The following STX8 variants were observed in gnomAD, a reference collection of about 807,000 sequenced individuals.
STX8 encodes syntaxin-8.
STX8 carries 23 observed loss-of-function variants against 37.5 expected under a neutral mutation model. The ratio of observed to expected loss-of-function variants is 0.61; its 90% CI spans 0.44 to 0.87. STX8 has a LOEUF of 0.87. STX8 is among the 40% of genes least tolerant of loss of function. The pLI is 0.00. For synonymous variants in STX8, 115 were observed against 99.1 expected (o/e 1.16, Z -0.95); for missense variants, 313 against 284.7 (o/e 1.10, Z -0.71).
intron 7 of STX8, among the ~76,000 whole-genome samples, chr17:9,306,864 G>A (rs544825845): frequency 8.1e-4 from 123 of 151,786 alleles, no homozygotes; most frequent in Middle Eastern, 3.5e-3. Context: ...GGTGGCTCAC[G>A]TCTGTAATCC....
At chr17:9,471,651 C>T (rs1209284519) in intron 6 of STX8, among the ~76,000 whole-genome samples, 1 of 152,104 alleles carries the variant, frequency 6.6e-6, no homozygotes, top group Non-Finnish European at 1.5e-5. Context: ...GACAGGGTGC[C>T]TATGTGACCA....
chr17:9,504,500 G>C (rs1198201683), intron 5 of STX8, among the ~76,000 whole-genome samples: 1 of 152,106 alleles, frequency 6.6e-6, no homozygotes, highest in Non-Finnish European at 1.5e-5. Context: ...CTTGGACTTA[G>C]ATTCAGATCT....
intron 7 of STX8, chr17:9,377,906 C>A (rs751342917): frequency 1.3e-5 from 2 of 152,284 alleles, no homozygotes; most frequent in African/African-American, 4.8e-5. Context: ...CACTGTGCAC[C>A]GGCAATACAC....
At chr17:9,467,356 T>C (rs1380115038) in intron 6 of STX8, 1 of 152,182 alleles carries the variant, frequency 6.6e-6, no homozygotes, top group African/African-American at 2.4e-5. Context: ...GGCTATGCTG[T>C]AGGGTCTGGA....
chr17:9,295,829 G>A (rs1567772499), intron 7 of STX8, among the ~76,000 whole-genome samples: 2 of 113,844 alleles, frequency 1.8e-5, no homozygotes, highest in Non-Finnish European at 4.4e-5. Context: ...TGGATCACCT[G>A]AGGTCAGGAG....
intron 6 of STX8, among the ~76,000 whole-genome samples, chr17:9,466,337 T>C (rs1307300911): frequency 1.3e-5 from 2 of 152,150 alleles, no homozygotes; most frequent in African/African-American, 4.8e-5. Flanking sequence ...GCTTGTAAAT[T>C]AGATGGAAGA....
At chr17:9,486,155 G>A (rs1043998042) in intron 6 of STX8, among the ~76,000 whole-genome samples, 1 of 152,166 alleles carries the variant, frequency 6.6e-6, no homozygotes, top group Non-Finnish European at 1.5e-5. Flanking sequence ...CAACACTCCA[G>A]TGGCAATGGG....
intron 6 of STX8, among the ~76,000 whole-genome samples, chr17:9,429,026 T>G (rs985476386): frequency 6.6e-6 from 1 of 152,096 alleles, no homozygotes; most frequent in Non-Finnish European, 1.5e-5. Flanking sequence ...TACCTTTGAC[T>G]TGGTCAGTTT....
chr17:9,553,431 C>T (rs1906844619), intron 3 of STX8: 2 of 152,156 alleles, frequency 1.3e-5, no homozygotes, highest in South Asian at 4.1e-4. Context: ...AAAGCATTTG[C>T]ACAGGACTTT....
At chr17:9,401,842 G>A (rs1467569470) in intron 6 of STX8, among the ~76,000 whole-genome samples, 5 of 152,172 alleles carry the variant, frequency 3.3e-5, no homozygotes, top group African/African-American at 1.2e-4. Context: ...GTAACTTGAA[G>A]AGGTTTTCTC....
At chr17:9,405,235 C>T (rs1035345790) in intron 6 of STX8, among the ~76,000 whole-genome samples, 2 of 152,102 alleles carry the variant, frequency 1.3e-5, no homozygotes, top group African/African-American at 2.4e-5. Context: ...TAGAGTACCA[C>T]GTGTAATGAG....
At position 9,568,461 on chromosome 17, in the gene STX8, T is replaced by C; in HGVS notation, c.27A>G (p.Thr9=). 6.2e-7 allele frequency: 1 copy of C among 1,612,414 alleles called. No homozygotes were observed. The highest frequency in any genetic ancestry group is 1.1e-5 in the South Asian group (1 of 90,934). Residue 9 remains threonine (T), a synonymous_variant, in exon 2 of 8, where the codon ACA becomes ACG. Coordinates refer to ENST00000306357, the MANE Select transcript of STX8 (RefSeq NM_004853.3). MAPDPWFS[T]YDSTCQIAQE... is the part of the protein sequence containing the mutation. ...GGGCAATTTGACAAGTAGAATCGTA[T>C]GTGGAGAACCTGCACCAAAGTCGTA...
chr17:9,422,559 T>C (rs1197428615), intron 6 of STX8, among the ~76,000 whole-genome samples: 7 of 152,272 alleles, frequency 4.6e-5, no homozygotes, highest in African/African-American at 7.2e-5. Context: ...TGTGGCCTTT[T>C]GTGTCCGGCT....
intron 5 of STX8, among the ~76,000 whole-genome samples, chr17:9,498,345 G>A (rs186582453): frequency 4.0e-5 from 6 of 149,804 alleles, no homozygotes; most frequent in Non-Finnish European, 5.9e-5. Flanking sequence ...AGTTGAGATC[G>A]CACCACTGCA....
intron 2 of STX8, among the ~76,000 whole-genome samples, chr17:9,563,084 A>G (rs1907308278): frequency 6.6e-6 from 1 of 152,180 alleles, no homozygotes; most frequent in African/African-American, 2.4e-5. Context: ...AATGAAATGT[A>G]GAGGTTTCTA....
intron 2 of STX8, among the ~76,000 whole-genome samples, chr17:9,562,282 T>G (rs1016017398): frequency 3.6e-4 from 55 of 152,004 alleles, no homozygotes; most frequent in African/African-American, 1.3e-3. Flanking sequence ...GGCGGGCGCC[T>G]GTAGCCCCAG....
chr17:9,403,207 A>G (rs1411245795), intron 6 of STX8, among the ~76,000 whole-genome samples: 1 of 152,212 alleles, frequency 6.6e-6, no homozygotes, highest in Non-Finnish European at 1.5e-5. Context: ...CACCATATCA[A>G]TCTAGAGAGG....
intron 4 of STX8, among the ~76,000 whole-genome samples, chr17:9,529,699 C>T (rs1349485937): frequency 6.6e-6 from 1 of 152,182 alleles, no homozygotes; most frequent in Non-Finnish European, 1.5e-5. Context: ...TGAGATCCAT[C>T]CATAGTGTGG....
At chr17:9,306,302 CTGT>C (rs1464461016) in intron 7 of STX8, among the ~76,000 whole-genome samples, 2 of 152,112 alleles carry the variant, frequency 1.3e-5, no homozygotes, top group East Asian at 3.9e-4. Context: ...GAACACACCC[CTGT>C]TGTTAAGCGA....
Sources: allele counts gnomAD v4.1 joint callset (sites outside exome capture counted in the v4.1 genomes callset), GRCh38; gene constraint gnomAD v4.1.1; transcripts MANE v1.5; gene names NCBI Gene and HGNC (gene_info 2026-07-23, HGNC 2026-07-21).